The following SH3RF3 variants were observed in gnomAD, a reference collection of about 807,000 sequenced individuals.
SH3RF3 encodes E3 ubiquitin-protein ligase SH3RF3.
Under a neutral mutation model 66.3 loss-of-function variants are expected in SH3RF3, and 29 were observed. The ratio of observed to expected loss-of-function variants is 0.44; its 90% CI spans 0.33 to 0.60. SH3RF3 has a LOEUF of 0.60. Among genes scored for constraint, SH3RF3 ranks in the 20% least tolerant of loss-of-function variants. The pLI, the probability that SH3RF3 is intolerant of heterozygous loss-of-function variation, is 0.04. For synonymous variants in SH3RF3, 583 were observed against 532.0 expected (o/e 1.10, Z -1.32); for missense variants, 1,194 against 1,190.9 (o/e 1.00, Z -0.04).
At chr2:109,448,438 T>C (rs1677768268) in intron 7 of SH3RF3, among the ~76,000 whole-genome samples, 1 of 152,098 alleles carries the variant, frequency 6.6e-6, no homozygotes, top group Non-Finnish European at 1.5e-5. Context: ...TTCATCTGTA[T>C]TTACAGCCCC....
At chr2:109,438,982 G>A (rs1559084417) in intron 7 of SH3RF3, among the ~76,000 whole-genome samples, 2 of 152,170 alleles carry the variant, frequency 1.3e-5, no homozygotes, top group East Asian at 1.9e-4. Context: ...TCATCACGGT[G>A]AGTCAGCATC....
intron 1 of SH3RF3, among the ~76,000 whole-genome samples, chr2:109,213,305 C>T (rs1053175731): frequency 6.6e-6 from 1 of 152,200 alleles, no homozygotes; most frequent in Non-Finnish European, 1.5e-5. Context: ...GTGTCCATAG[C>T]ATAAGGCTAT....
chr2:109,477,486 T>C (rs1678713978), intron 8 of SH3RF3, among the ~76,000 whole-genome samples: 1 of 152,064 alleles, frequency 6.6e-6, no homozygotes, highest in African/African-American at 2.4e-5. Context: ...AGAGGCCCCC[T>C]CCCGCCAGAC....
chr2:109,320,443 C>T (rs892525604), intron 1 of SH3RF3, among the ~76,000 whole-genome samples: 11 of 152,184 alleles, frequency 7.2e-5, no homozygotes, highest in Admixed American at 5.9e-4. Context: ...GGCGCCCATC[C>T]TCGGCAGTGA....
intron 8 of SH3RF3, among the ~76,000 whole-genome samples, chr2:109,461,992 G>GA (rs1226527841): frequency 3.3e-5 from 5 of 151,972 alleles, no homozygotes; most frequent in Non-Finnish European, 4.4e-5. Flanking sequence ...TCCACCTTAC[G>GA]AGGGATGTCT....
chr2:109,457,766 A>G (rs1379711212), intron 8 of SH3RF3, among the ~76,000 whole-genome samples: 4 of 152,224 alleles, frequency 2.6e-5, no homozygotes, highest in Non-Finnish European at 5.9e-5. Context: ...CCAGCCGTCC[A>G]TGCCCAGAAA....
At chr2:109,478,138 A>T (rs1678737960) in intron 8 of SH3RF3, among the ~76,000 whole-genome samples, 3 of 152,200 alleles carry the variant, frequency 2.0e-5, no homozygotes, top group Admixed American at 1.3e-4. Flanking sequence ...GAGCTGCCTG[A>T]TTGGAGGCCG....
At chr2:109,205,556 G>A (rs1471225738) in intron 1 of SH3RF3, among the ~76,000 whole-genome samples, 2 of 152,134 alleles carry the variant, frequency 1.3e-5, no homozygotes, top group East Asian at 3.9e-4. Context: ...CCCAACTTAT[G>A]TGACTCTTTA....
chr2:109,163,244 G>A (rs1677531609), intron 1 of SH3RF3, among the ~76,000 whole-genome samples: 1 of 152,192 alleles, frequency 6.6e-6, no homozygotes, highest in Non-Finnish European at 1.5e-5. Flanking sequence ...GGTGTGTGGT[G>A]TGTTGACTGT....
rs183300953 is a variant in SH3RF3 at position 109,503,636 on chromosome 2, G to C, written c.*1965G>C. ...AAATCCTGTGCGTGTTTAAATTCAC[G>C]TTGTCACCAAAGAGGTGCACAGATC... On this transcript the variant is annotated 3_prime_UTR_variant, in exon 10 of 10. Coordinates refer to ENST00000309415, the MANE Select transcript of SH3RF3 (RefSeq NM_001099289.3). 5 of 152,248 alleles carry C rather than the reference G, an allele frequency of 3.3e-5. No homozygotes were observed. The East Asian group carries it at 9.6e-4, about 29-fold the overall frequency. The allele number at this position is 152,248 out of a possible 1,614,324, so 9.4% of individuals were successfully genotyped here. A position where few individuals can be genotyped will look rare whatever the true frequency, so the allele number is the denominator to read the frequency against.
Position 109,447,460 on chromosome 2 carries a change from G to T in SH3RF3, c.1829-1710G>T, listed in dbSNP as rs141948666. On this transcript the variant is annotated intron_variant, in intron 7 of 9. Transcript: ENST00000309415. ...TTTTATTGCATGTATTTTCTTTCATGCTCTGAAGCCATGAATGCCACAAAG... is the reference window on the plus strand; with the variant it reads ...TTTTATTGCATGTATTTTCTTTCATTCTCTGAAGCCATGAATGCCACAAAG... Among the ~76,000 whole-genome samples, 1,521 of 152,252 alleles carry T rather than the reference G, an allele frequency of 1.0e-2. 32 individuals carry two copies. The highest frequency in any genetic ancestry group is 0.035 in the African/African-American group (1,446 of 41,536).
At chr2:109,183,504 C>T (rs1451579741) in intron 1 of SH3RF3, among the ~76,000 whole-genome samples, 1 of 152,104 alleles carries the variant, frequency 6.6e-6, no homozygotes, top group Non-Finnish European at 1.5e-5. Context: ...GTTTCAGTGG[C>T]CTTTTGAAGG....
chr2:109,405,254 C>A (rs1023802860), intron 4 of SH3RF3, among the ~76,000 whole-genome samples: 4 of 152,216 alleles, frequency 2.6e-5, no homozygotes, highest in African/African-American at 9.6e-5. Flanking sequence ...TTTCCGCAAA[C>A]CTGCTTCCCC....
intron 3 of SH3RF3, among the ~76,000 whole-genome samples, chr2:109,386,390 G>T (rs1395167846): frequency 6.6e-6 from 1 of 152,144 alleles, no homozygotes; most frequent in East Asian, 1.9e-4. Context: ...AACACCAGGG[G>T]GCCGCTATGA....
intron 1 of SH3RF3, among the ~76,000 whole-genome samples, chr2:109,322,760 TA>T (rs1357806847): frequency 1.3e-5 from 2 of 152,194 alleles, no homozygotes; most frequent in Non-Finnish European, 2.9e-5. Flanking sequence ...TTCCAGCAAA[TA>T]AGGATTCAAA....
At chr2:109,256,661 G>A (rs180951931) in intron 1 of SH3RF3, among the ~76,000 whole-genome samples, 8 of 152,298 alleles carry the variant, frequency 5.3e-5, no homozygotes, top group African/African-American at 1.4e-4. Flanking sequence ...CCTAGTCTTC[G>A]TGGTCTAAGT....
intron 1 of SH3RF3, among the ~76,000 whole-genome samples, chr2:109,337,649 G>A (rs1287508806): frequency 6.6e-6 from 1 of 151,866 alleles, no homozygotes; most frequent in African/African-American, 2.4e-5. Context: ...GAACCTTCTT[G>A]AATGGCTGTG....
intron 1 of SH3RF3, among the ~76,000 whole-genome samples, chr2:109,188,681 T>C (rs1330386880): frequency 6.6e-6 from 1 of 152,188 alleles, no homozygotes; most frequent in Non-Finnish European, 1.5e-5. Flanking sequence ...TTGGGTTTGC[T>C]CCTGACTTTG....
chr2:109,212,483 T>TTG (rs1679009166), intron 1 of SH3RF3, among the ~76,000 whole-genome samples: 1 of 152,218 alleles, frequency 6.6e-6, no homozygotes, highest in African/African-American at 2.4e-5. Flanking sequence ...CCTGACTGCA[T>TTG]TGTGAGGCTT....
Sources: gnomAD v4.1 joint callset for allele counts (sites outside exome capture counted in the v4.1 genomes callset) on GRCh38, gnomAD v4.1.1 for gene constraint, MANE v1.5 for transcripts, NCBI Gene and HGNC (gene_info 2026-07-23, HGNC 2026-07-21) for gene names.